Variants in ZMYM2 observed in about 807,000 individuals in gnomAD.
ZMYM2 encodes the protein zinc finger MYM-type protein 2.
In ZMYM2, 56 loss-of-function variants were observed where a neutral mutation model predicts 162.8. That is an observed-to-expected ratio of 0.34 (90% CI 0.28 to 0.43). The LOEUF (loss-of-function observed/expected upper bound fraction) is 0.43, where lower values mean the gene tolerates loss of function less well. ZMYM2 is among the 20% of genes least tolerant of loss of function. The pLI is 1.00. For synonymous variants in ZMYM2, 510 were observed against 541.6 expected, an observed-to-expected ratio of 0.94 and a Z score of 0.81; for missense variants, 1,275 against 1,621.8, an observed-to-expected ratio of 0.79 and a Z score of 3.67.
At chr13:19,914,918 T>A in the ZMYM2 span, among the ~76,000 whole-genome samples, 1 of 152,176 alleles carries the variant, frequency 6.6e-6, no homozygotes, top group Non-Finnish European at 1.5e-5. Context: ...CTGTATATAC[T>A]CTGAATCAGT....
At chr13:20,007,415 G>A (rs937817774) in intron 6 of ZMYM2, among the ~76,000 whole-genome samples, 1 of 152,060 alleles carries the variant, frequency 6.6e-6, no homozygotes, top group Non-Finnish European at 1.5e-5. Flanking sequence ...GGGATTACAG[G>A]CGTGAACCAC....
chr13:19,877,907 C>A, the ZMYM2 span, among the ~76,000 whole-genome samples: 2 of 152,080 alleles, frequency 1.3e-5, no homozygotes, highest in Non-Finnish European at 2.9e-5. Flanking sequence ...ACTATATACA[C>A]CGAAGTGAAA....
chr13:20,042,363 G>T (rs925367782), intron 12 of ZMYM2, among the ~76,000 whole-genome samples: 3 of 152,008 alleles, frequency 2.0e-5, no homozygotes, highest in Non-Finnish European at 2.9e-5. Context: ...TAATACTTAT[G>T]ATTGCCTTAT....
chr13:19,962,394 C>G (rs1165814075), intron 2 of ZMYM2, among the ~76,000 whole-genome samples: 4 of 150,120 alleles, frequency 2.7e-5, no homozygotes, highest in Non-Finnish European at 4.4e-5. Context: ...TTTCCTGTCT[C>G]TCTAGCATTA....
At chr13:20,074,601 C>G (rs986735487) in intron 21 of ZMYM2, among the ~76,000 whole-genome samples, 2 of 147,334 alleles carry the variant, frequency 1.4e-5, no homozygotes, top group Non-Finnish European at 1.5e-5. Flanking sequence ...TGCAGTGGCG[C>G]GATCTCAGCT....
chr13:19,864,682 C>T, the ZMYM2 span: 1 of 152,530 alleles, frequency 6.6e-6, no homozygotes, highest in Non-Finnish European at 1.5e-5. Context: ...GCCACCGTCT[C>T]CTGGTCCGGA....
intron 2 of ZMYM2, among the ~76,000 whole-genome samples, chr13:19,979,042 C>T (rs1293179952): frequency 1.3e-5 from 2 of 152,022 alleles, no homozygotes; most frequent in Non-Finnish European, 2.9e-5. Context: ...TTTCCCCCCT[C>T]TTTCTGTTAG....
chr13:19,914,314 C>A, the ZMYM2 span, among the ~76,000 whole-genome samples: 1 of 152,200 alleles, frequency 6.6e-6, no homozygotes, highest in Non-Finnish European at 1.5e-5. Flanking sequence ...TCTGTGGACA[C>A]CAGTTTGCTT....
chr13:20,014,713 ATCTCG>A (rs1438825464), intron 6 of ZMYM2, among the ~76,000 whole-genome samples: 1 of 120,214 alleles, frequency 8.3e-6, no homozygotes, highest in Non-Finnish European at 1.7e-5. Context: ...GGGTTTAGTG[ATCTCG>A]TCTTTTTCCT....
Position 20,061,073 on chromosome 13 carries a change from G to C in ZMYM2, c.2760G>C (p.Leu920=). 1.2e-6 allele frequency: 2 copies of C among 1,611,156 alleles called. No homozygotes were observed. The highest frequency in any genetic ancestry group is 1.7e-6 in the Non-Finnish European group (2 of 1,178,596). ...VPVPVPVPVF[L]PAPLDSSEKI... is the part of the protein sequence containing the mutation. ...ATTAGGTGCCAGTTCCTGTTTTTCT[G>C]CCTGCTCCATTGGACAGCAGTGAGA... is the stretch of plus-strand genomic sequence containing the variant. Residue 920 remains leucine, a synonymous_variant, in exon 17 of 25, where the codon CTG becomes CTC. Transcript: ENST00000610343.
At chr13:19,988,126 A>G (rs1390096533) in intron 2 of ZMYM2, among the ~76,000 whole-genome samples, 2 of 152,308 alleles carry the variant, frequency 1.3e-5, no homozygotes, top group Non-Finnish European at 2.9e-5. Flanking sequence ...TTATAGAAAA[A>G]AATTCTGTTT....
chr13:19,987,308 G>T (rs1949238047), intron 2 of ZMYM2, among the ~76,000 whole-genome samples: 1 of 151,620 alleles, frequency 6.6e-6, no homozygotes, highest in Non-Finnish European at 1.5e-5. Flanking sequence ...CCGTCGCCCA[G>T]GCTGGAGTGC....
At chr13:20,051,713 T>G in intron 13 of ZMYM2, 115 bp downstream of exon 13, 2 of 1,020,058 alleles carry the variant, frequency 2.0e-6, no homozygotes, top group Non-Finnish European at 2.7e-6. Context: ...AACAGCAACT[T>G]AAATTCCGTA....
chr13:19,923,712 C>T, the ZMYM2 span, among the ~76,000 whole-genome samples: 2 of 135,132 alleles, frequency 1.5e-5, no homozygotes, highest in Admixed American at 8.5e-5. Context: ...GCTCTGTTGC[C>T]CAGGCTGGAG....
chr13:19,892,218 C>T, the ZMYM2 span, among the ~76,000 whole-genome samples: 3 of 151,882 alleles, frequency 2.0e-5, no homozygotes, highest in African/African-American at 7.3e-5. Context: ...GCTGGGATTA[C>T]GAGTGTGAGC....
chr13:19,881,218 T>C, the ZMYM2 span, among the ~76,000 whole-genome samples: 2 of 152,168 alleles, frequency 1.3e-5, no homozygotes, highest in Admixed American at 1.3e-4. Flanking sequence ...ATATAAATTT[T>C]CATCTATGGA....
intron 2 of ZMYM2, among the ~76,000 whole-genome samples, chr13:19,972,500 T>C (rs1175432492): frequency 6.6e-6 from 1 of 152,174 alleles, no homozygotes; most frequent in African/African-American, 2.4e-5. Context: ...GTCTTAGCTG[T>C]CTTTAAGAGT....
chr13:19,999,380 ATTG>A (rs1423326113), intron 3 of ZMYM2, among the ~76,000 whole-genome samples: 3 of 151,942 alleles, frequency 2.0e-5, no homozygotes, highest in Non-Finnish European at 2.9e-5. Context: ...AGGCCTTTTC[ATTG>A]TTATTATATC....
the ZMYM2 span, among the ~76,000 whole-genome samples, chr13:19,941,588 A>G: frequency 6.6e-6 from 1 of 151,974 alleles, no homozygotes; most frequent in Non-Finnish European, 1.5e-5. Context: ...CCAATTGGCT[A>G]GTTGGCTTTC....
Sources: gnomAD v4.1 joint callset for allele counts (sites outside exome capture counted in the v4.1 genomes callset) on GRCh38, gnomAD v4.1.1 for gene constraint, MANE v1.5 for transcripts, NCBI Gene and HGNC (gene_info 2026-07-23, HGNC 2026-07-21) for gene names.